Variants in ZUP1 observed in about 807,000 individuals in gnomAD.
ZUP1 encodes zinc finger-containing ubiquitin peptidase 1.
A neutral mutation model predicts 68.1 loss-of-function variants in ZUP1; 55 were observed. That is an observed-to-expected ratio of 0.81 (90% CI 0.65 to 1.01). The LOEUF (loss-of-function observed/expected upper bound fraction) is 1.01, where lower values mean the gene tolerates loss of function less well. Ranked by LOEUF, ZUP1 falls within the 50% of genes least tolerant of loss-of-function variation. ZUP1 has a pLI of 0.00. For missense variants in ZUP1, 684 were observed against 674.9 expected, an observed-to-expected ratio of 1.01 and a Z score of -0.15; for synonymous variants, 223 against 221.5, an observed-to-expected ratio of 1.01 and a Z score of -0.06.
chr6:116,649,739 C>T (rs1197280941), intron 7 of ZUP1, among the ~76,000 whole-genome samples: 1 of 152,178 alleles, frequency 6.6e-6, no homozygotes, highest in Non-Finnish European at 1.5e-5. Flanking sequence ...TAACCTTCCG[C>T]CTTCCACCTA....
chr6:116,657,114 G>A (rs1275197431), intron 4 of ZUP1, among the ~76,000 whole-genome samples: 2 of 152,068 alleles, frequency 1.3e-5, no homozygotes, highest in African/African-American at 2.4e-5. Context: ...AGGGAAAGCA[G>A]AGGATCCTGT....
chr6:116,650,422 C>CAAAAAAAA (rs61692064), intron 7 of ZUP1, among the ~76,000 whole-genome samples: 9 of 46,538 alleles, frequency 1.9e-4, no homozygotes, highest in South Asian at 9.5e-4. Flanking sequence ...AACTCCGTCT[C>CAAAAAAAA]AAAAAAAAAA....
intron 9 of ZUP1, among the ~76,000 whole-genome samples, chr6:116,641,388 T>C (rs1482544286): frequency 6.6e-6 from 1 of 152,156 alleles, no homozygotes; most frequent in Non-Finnish European, 1.5e-5. Context: ...GAATATACTT[T>C]TTTTTCAGCA....
intron 7 of ZUP1, among the ~76,000 whole-genome samples, chr6:116,650,422 CAAAAAAA>C (rs61692064): frequency 2.1e-5 from 1 of 46,552 alleles, no homozygotes; most frequent in Non-Finnish European, 3.9e-5. Flanking sequence ...AACTCCGTCT[CAAAAAAA>C]AAAAAAAAAA....
At chr6:116,643,065 C>T (rs545632921) in intron 9 of ZUP1, among the ~76,000 whole-genome samples, 1 of 151,430 alleles carries the variant, frequency 6.6e-6, no homozygotes, top group South Asian at 2.1e-4. Flanking sequence ...AGAGCCAAAT[C>T]ATGAGTGAAC....
Position 116,645,902 on chromosome 6 carries a change from T to C in ZUP1, c.1501A>G (p.Lys501Glu), listed in dbSNP as rs1164791660. Residue 501 changes from lysine (K) to glutamate (E), a missense_variant, in exon 9 of 10, where the codon AAA (lysine) becomes GAA (glutamate). Coordinates refer to ENST00000368576, the MANE Select transcript of ZUP1 (RefSeq NM_145062.3). ...HSRTVIGIEEKKNRTLCLLIL... is the reference protein window; with the variant it reads ...HSRTVIGIEEEKNRTLCLLIL... ...AGTAAGCATAATGTTCGGTTTTTTT[T>C]CTCTTCAATTCCAATAACAGTTCGA... The C allele has an allele frequency of 3.7e-6, 6 of 1,613,454 alleles. No individual in the cohort carries two copies. In the Admixed American group the frequency reaches 5.0e-5, roughly 13 times the overall value.
intron 2 of ZUP1, 119 bp downstream of exon 2, chr6:116,666,515 G>A (rs1291450889): frequency 1.0e-5 from 7 of 673,402 alleles, no homozygotes; most frequent in Non-Finnish European, 1.6e-5. Context: ...AAATGTTATA[G>A]ACATAAAATG....
intron 9 of ZUP1, among the ~76,000 whole-genome samples, chr6:116,640,354 C>T (rs1189296068): frequency 1.3e-5 from 2 of 152,096 alleles, no homozygotes. Context: ...AAAGATACTC[C>T]TCGAGAAGAG....
intron 2 of ZUP1, among the ~76,000 whole-genome samples, chr6:116,664,163 G>A (rs1056863019): frequency 1.3e-5 from 2 of 152,198 alleles, no homozygotes; most frequent in African/African-American, 4.8e-5. Context: ...GGGCGCGGTG[G>A]CTTACGCCTG....
chr6:116,640,754 T>C (rs1776071156), intron 9 of ZUP1, among the ~76,000 whole-genome samples: 1 of 151,262 alleles, frequency 6.6e-6, no homozygotes, highest in African/African-American at 2.4e-5. Context: ...GTAAAGACCA[T>C]CGAGACTAGG....
chr6:116,665,931 G>C (rs1387358837), intron 2 of ZUP1, among the ~76,000 whole-genome samples: 1 of 151,812 alleles, frequency 6.6e-6, no homozygotes, highest in African/African-American at 2.4e-5. Context: ...AAAGACATAA[G>C]ATCCTAAATG....
chr6:116,648,656 A>G (rs9488998), intron 7 of ZUP1, among the ~76,000 whole-genome samples: 12,164 of 152,210 alleles, frequency 0.08, 704 homozygotes, highest in Admixed American at 0.16. Flanking sequence ...TAAGGTACCA[A>G]GAAAGAAGCT....
intron 4 of ZUP1, among the ~76,000 whole-genome samples, chr6:116,658,303 A>G (rs1381589441): frequency 6.6e-6 from 1 of 152,378 alleles, no homozygotes; most frequent in Admixed American, 6.5e-5. Context: ...ATCATTTAAA[A>G]AAAGCATTTT....
At position 116,651,624 on chromosome 6, in the gene ZUP1, C is replaced by A. The variant is rs765027534; in HGVS notation, c.1264G>T (p.Ala422Ser). The A allele has an allele frequency of 2.5e-6, 4 of 1,613,704 alleles. No homozygotes were observed. The highest frequency in any genetic ancestry group is 1.3e-5 in the African/African-American group (1 of 74,872). Residue 422 changes from alanine (A) to serine (S), a missense_variant, in exon 7 of 10, where the codon GCC (alanine) becomes TCC (serine). Physicochemically the swap from Ala to Ser is moderately conservative, Grantham distance 99. Coordinates refer to ENST00000368576, the MANE Select transcript of ZUP1 (RefSeq NM_145062.3). Reference protein sequence around the residue: ...QLNNRLQGTKAWIGACEVYIL... With the variant: ...QLNNRLQGTKSWIGACEVYIL... ...TATACTTCACATGCTCCAATCCAGG[C>A]CTTTGTTCCCTGTAACCTGTTATTA...
chr6:116,657,451 T>C (rs541500977), intron 4 of ZUP1, among the ~76,000 whole-genome samples: 1 of 152,358 alleles, frequency 6.6e-6, no homozygotes, highest in Non-Finnish European at 1.5e-5. Context: ...AAACTTTTTG[T>C]ATTGATCATG....
At chr6:116,640,585 A>G (rs1272112303) in intron 9 of ZUP1, among the ~76,000 whole-genome samples, 7 of 152,130 alleles carry the variant, frequency 4.6e-5, no homozygotes, top group Admixed American at 4.6e-4. Flanking sequence ...ATCCAGCCAA[A>G]CTAAGCTTCA....
chr6:116,660,704 T>A, intron 3 of ZUP1, 32 bp downstream of exon 3: 1 of 1,242,574 alleles, frequency 8.0e-7, no homozygotes, highest in African/African-American at 1.5e-5. Flanking sequence ...AGAAATTAAA[T>A]GATATTTTTA....
rs1163861958 is a variant in ZUP1, at chr6:116,658,839, T to C, written c.756A>G (p.Glu252=). The change falls in exon 4 of 10, where the codon GAA becomes GAG. Residue 252 remains glutamate (E), a synonymous_variant. Coordinates refer to ENST00000368576, the MANE Select transcript of ZUP1 (RefSeq NM_145062.3). ...GAAATTCTTCTATTTCTTGTCTTGA[T>C]TCTTCAGATCTCCTCTTTCTGTCTT... The part of the protein sequence containing the change: ...QEEDRKRRSE[E]SRQEIEEFQK... 2 of 1,606,272 alleles carry C rather than the reference T, an allele frequency of 1.2e-6. No homozygotes were observed. The highest frequency in any genetic ancestry group is 1.1e-5 in the South Asian group (1 of 90,642).
At chr6:116,661,858 G>A (rs1337161014) in intron 2 of ZUP1, among the ~76,000 whole-genome samples, 2 of 152,136 alleles carry the variant, frequency 1.3e-5, no homozygotes, top group Admixed American at 6.5e-5. Flanking sequence ...AAACTCACTG[G>A]GGGCTGCAAT....
Sources: gnomAD v4.1 joint callset for allele counts (sites outside exome capture counted in the v4.1 genomes callset) on GRCh38, gnomAD v4.1.1 for gene constraint, MANE v1.5 for transcripts, NCBI Gene and HGNC (gene_info 2026-07-23, HGNC 2026-07-21) for gene names.